WNT11: variants seen among roughly 807,000 people sequenced by gnomAD.
The protein encoded by WNT11 is Wnt family member 11.
WNT11 carries 20 observed loss-of-function variants against 35.6 expected under a neutral mutation model. The observed-to-expected ratio is 0.56, with a 90% CI of 0.40 to 0.82. WNT11 has a LOEUF of 0.82. WNT11 is among the 40% of genes least tolerant of loss of function. The probability of loss-of-function intolerance (pLI) is 0.00; values close to 1 mark genes in which losing one functional copy is unlikely to be tolerated. For synonymous variants in WNT11, 200 were observed against 211.9 expected, an observed-to-expected ratio of 0.94 and a Z score of 0.49; for missense variants, 459 against 504.4, an observed-to-expected ratio of 0.91 and a Z score of 0.86.
At chr11:76,187,866 C>G (rs897698329) in intron 4 of WNT11, among the ~76,000 whole-genome samples, 1 of 151,890 alleles carries the variant, frequency 6.6e-6, no homozygotes, top group Admixed American at 6.6e-5. Context: ...ATCTAATAAG[C>G]CTATCTTTAT....
At chr11:76,192,400 G>T (rs1194196346) in intron 3 of WNT11, among the ~76,000 whole-genome samples, 3 of 152,184 alleles carry the variant, frequency 2.0e-5, no homozygotes, top group Non-Finnish European at 4.4e-5. Flanking sequence ...GGGAGAAGAG[G>T]CAGGGGTAAG....
chr11:76,194,707 G>A lies in WNT11; in HGVS notation c.457C>T (p.Arg153Cys), dbSNP rs1247453401. The A allele has an allele frequency of 6.4e-6, 10 of 1,550,464 alleles. No individual in the cohort carries two copies. The highest frequency in any genetic ancestry group is 3.5e-6 in the Non-Finnish European group (4 of 1,147,026). ...AGGTTGTCCGCACATCCTCCCCAGC[G>A]GTTCCCGGGCCCGGGTGGCTCACCT... Reference protein sequence around the residue: ...VPGEPPGPGNRWGGCADNLSY... With the variant: ...VPGEPPGPGNCWGGCADNLSY... Residue 153 changes from arginine to cysteine, a missense_variant, in exon 3 of 5, where the codon CGC (arginine) becomes TGC (cysteine). Coordinates refer to ENST00000322563, the MANE Select transcript of WNT11 (RefSeq NM_004626.3). The surrounding 1 kb of genome is among the most constrained non-coding windows in gnomAD (Gnocchi z 5.4).
chr11:76,208,616 C>G (rs1953509914), upstream of WNT11, among the ~76,000 whole-genome samples: 1 of 152,154 alleles, frequency 6.6e-6, no homozygotes, highest in Admixed American at 6.5e-5. Flanking sequence ...GGGGAGGGGG[C>G]GGGGGCTGCA....
At chr11:76,187,911 AGGCT>A (rs1337266079) in intron 4 of WNT11, among the ~76,000 whole-genome samples, 1 of 152,198 alleles carries the variant, frequency 6.6e-6, no homozygotes, top group Non-Finnish European at 1.5e-5. Context: ...TCTGTTGCCC[AGGCT>A]GGAGTGCAGT....
At chr11:76,203,841 C>T (rs1329147766) in intron 1 of WNT11, among the ~76,000 whole-genome samples, 1 of 152,238 alleles carries the variant, frequency 6.6e-6, no homozygotes, top group Non-Finnish European at 1.5e-5. Flanking sequence ...GGCTTTCCAG[C>T]CTCACTGAAC....
At chr11:76,201,045 G>T (rs932051392) in intron 1 of WNT11, among the ~76,000 whole-genome samples, 1 of 152,220 alleles carries the variant, frequency 6.6e-6, no homozygotes, top group African/African-American at 2.4e-5. Context: ...CTGGTGCCTG[G>T]GTCTCCTAGG....
intron 2 of WNT11, 54 bp downstream of exon 2, chr11:76,196,429 C>G: frequency 6.3e-7 from 1 of 1,590,054 alleles, no homozygotes; most frequent in South Asian, 1.1e-5. Flanking sequence ...CAGATTGATG[C>G]CTGAATTCCT....
Position 76,194,634 on chromosome 11 carries a change from T to C in WNT11, c.530A>G (p.Lys177Arg), listed in dbSNP as rs987156016. The change falls in exon 3 of 5, where the codon AAG (lysine) becomes AGG (arginine). Residue 177 changes from lysine to arginine, a missense_variant. Lys to Arg is a conservative substitution (Grantham distance 26). Coordinates refer to ENST00000322563, the MANE Select transcript of WNT11 (RefSeq NM_004626.3). This position sits in a 1 kb window ranked among gnomAD's most constrained non-coding sequence, Gnocchi z 5.4. The stretch of plus-strand genomic sequence containing the variant: ...GGCTTGGGATCCTGTTTTTTTCACC[T>C]TCATAGGAGCATCGGAAAACTTGGC... ...MGAKFSDAPM[K>R]VKKTGSQANK... 3 of 1,550,634 alleles carry C rather than the reference T, an allele frequency of 1.9e-6. No homozygotes were observed. Among genetic ancestry groups the C allele is most frequent in the Middle Eastern group, 1.9e-4 (1 of 5,178 alleles).
chr11:76,199,812 A>G (rs770087759), intron 1 of WNT11, among the ~76,000 whole-genome samples: 2 of 152,136 alleles, frequency 1.3e-5, no homozygotes, highest in Non-Finnish European at 2.9e-5. Context: ...AAACAAACAA[A>G]AAATTCATAG....
In WNT11 at chr11:76,191,812, C is replaced by T. The variant is rs1452287188; in HGVS notation, c.642G>A (p.Val214=). ...SLEMKCKCHG[V]SGSCSIRTCW... The stretch of plus-strand genomic sequence containing the variant: ...AGGTGCGGATGGAGCAGGAGCCAGA[C>T]ACCCCATGGCACTTACACTTCATTT... Residue 214 remains valine, a synonymous_variant, in exon 4 of 5, where the codon GTG becomes GTA. Coordinates refer to ENST00000322563, the MANE Select transcript of WNT11 (RefSeq NM_004626.3). The T allele has an allele frequency of 2.5e-6, 4 of 1,608,242 alleles. No individual in the cohort carries two copies. The Admixed American group carries it at 6.7e-5, about 27-fold the overall frequency.
intron 4 of WNT11, among the ~76,000 whole-genome samples, chr11:76,190,076 G>A (rs1953160108): frequency 6.6e-6 from 1 of 152,064 alleles, no homozygotes; most frequent in African/African-American, 2.4e-5. Flanking sequence ...TGCCCGGGAG[G>A]GGAGGGGAGA....
rs1953234761 is a variant in WNT11 at position 76,194,314 on chromosome 11, T to TGACTCCTAGTTCAGTGCTCCC, written c.597+232_597+252dup. Among the ~76,000 whole-genome samples, 1 of 152,010 alleles carries TGACTCCTAGTTCAGTGCTCCC rather than the reference T, an allele frequency of 6.6e-6. No individual in the cohort carries two copies. The highest frequency in any genetic ancestry group is 1.5e-5 in the Non-Finnish European group (1 of 68,006). ...AGCCAAGGCCAGAACTCAGAGCTCCTGACTCCTAGTTCAGTGCTCCCTCTG... is the reference window on the plus strand; with the variant it reads ...AGCCAAGGCCAGAACTCAGAGCTCCTGACTCCTAGTTCAGTGCTCCCGACTCCTAGTTCAGTGCTCCCTCTG... On this transcript the variant is annotated intron_variant, in intron 3 of 4. Coordinates refer to ENST00000322563, the MANE Select transcript of WNT11 (RefSeq NM_004626.3). The surrounding 1 kb of genome is among the most constrained non-coding windows in gnomAD (Gnocchi z 5.4).
chr11:76,193,736 C>A (rs1215481579), intron 3 of WNT11, among the ~76,000 whole-genome samples: 1 of 152,214 alleles, frequency 6.6e-6, no homozygotes, highest in East Asian at 1.9e-4. Context: ...GTGCTTTCAG[C>A]CTCACTTAGT....
At chr11:76,203,397 G>C (rs1301320890) in intron 1 of WNT11, among the ~76,000 whole-genome samples, 4 of 152,222 alleles carry the variant, frequency 2.6e-5, no homozygotes, top group Non-Finnish European at 5.9e-5. Context: ...CCAGGGAAGG[G>C]GGCGGCCTTT....
At position 76,186,953 on chromosome 11, in the gene WNT11, G is replaced by T. The variant is rs749668742; in HGVS notation, c.*112C>A. The T allele has an allele frequency of 6.6e-7, 1 of 1,517,630 alleles. No individual in the cohort carries two copies. Among genetic ancestry groups the T allele is most frequent in the Admixed American group, 1.8e-5 (1 of 54,760 alleles). 94.0% of individuals were successfully genotyped at this position (1,517,630 alleles called of 1,614,324 possible). ...AAGCACAAGCCGCCTCCCATGCCTG[G>T]CATCTGGAATTCACAAGCAGAGCTC... On this transcript the variant is annotated 3_prime_UTR_variant, in exon 5 of 5. Coordinates refer to ENST00000322563, the MANE Select transcript of WNT11 (RefSeq NM_004626.3).
chr11:76,202,375 G>C (rs1953392977), intron 1 of WNT11, among the ~76,000 whole-genome samples: 1 of 152,196 alleles, frequency 6.6e-6, no homozygotes, highest in Non-Finnish European at 1.5e-5. Flanking sequence ...TGCTGACCCT[G>C]AGGTGGGAGA....
rs1279351364 is a variant in WNT11 at position 76,186,884 on chromosome 11, G to C, written c.*181C>G. ...CCTTTGATGTCCTGCCCTCCTTCCA[G>C]GGTGGCCAGACCTTCTGTTCCTGGT... On this transcript the variant is annotated 3_prime_UTR_variant, in exon 5 of 5. Coordinates refer to ENST00000322563, the MANE Select transcript of WNT11 (RefSeq NM_004626.3). The C allele has an allele frequency of 1.0e-5, 9 of 883,846 alleles. No individual in the cohort carries two copies. The highest frequency in any genetic ancestry group is 1.6e-5 in the Non-Finnish European group (9 of 552,462). The allele number at this position is 883,846 out of a possible 1,614,324, so 54.8% of individuals were successfully genotyped here. A position where few individuals can be genotyped will look rare whatever the true frequency, so the allele number is the denominator to read the frequency against.
intron 1 of WNT11, among the ~76,000 whole-genome samples, chr11:76,201,348 C>A (rs1953373359): frequency 6.6e-6 from 1 of 152,210 alleles, no homozygotes; most frequent in Non-Finnish European, 1.5e-5. Flanking sequence ...CGGGAGGCAG[C>A]AGATTCCACT....
At chr11:76,204,342 C>T (rs935215655) in intron 1 of WNT11, among the ~76,000 whole-genome samples, 2 of 152,212 alleles carry the variant, frequency 1.3e-5, no homozygotes, top group South Asian at 4.1e-4. Flanking sequence ...CCCAAGCTCT[C>T]GGAGCAGCGT....
Sources: gnomAD v4.1 joint callset for allele counts (sites outside exome capture counted in the v4.1 genomes callset) on GRCh38, gnomAD v4.1.1 for gene constraint, Gnocchi (gnomAD v3.1) non-coding constraint, MANE v1.5 for transcripts, NCBI Gene and HGNC (gene_info 2026-07-23, HGNC 2026-07-21) for gene names.